Variants in C4orf17 observed in about 807,000 individuals in gnomAD.
C4orf17 encodes the protein uncharacterized protein C4orf17.
In C4orf17, 25 loss-of-function variants were observed where a neutral mutation model predicts 32.0. That is an observed-to-expected ratio of 0.78 (90% CI 0.57 to 1.09). The LOEUF (loss-of-function observed/expected upper bound fraction) is 1.09. C4orf17 is among the 50% of genes least tolerant of loss of function. C4orf17 has a pLI of 0.00. For missense variants in C4orf17, 420 were observed against 420.0 expected (o/e 1.00, Z 0.00); for synonymous variants, 149 against 145.8 (o/e 1.02, Z -0.16).
chr4:99,512,062 TA>T (rs1723101764), intron 1 of C4orf17, among the ~76,000 whole-genome samples: 1 of 152,122 alleles, frequency 6.6e-6, no homozygotes, highest in South Asian at 2.1e-4. Flanking sequence ...GTCAACGATC[TA>T]AAAGCATCCA....
chr4:99,538,605 T>C (rs7686425), intron 6 of C4orf17, among the ~76,000 whole-genome samples: 39,794 of 152,126 alleles, frequency 0.26, 5,369 homozygotes, highest in South Asian at 0.35. Context: ...CAATTATTTT[T>C]CCTTTTAAAG....
intron 5 of C4orf17, among the ~76,000 whole-genome samples, chr4:99,534,774 G>C (rs1723534739): frequency 6.6e-6 from 1 of 152,180 alleles, no homozygotes; most frequent in South Asian, 2.1e-4. Flanking sequence ...GTGTGAATTT[G>C]ATCCTGTCAC....
chr4:99,511,400 A>G (rs918132521), intron 1 of C4orf17, 128 bp downstream of exon 1: 1 of 151,828 alleles, frequency 6.6e-6, no homozygotes, highest in Non-Finnish European at 1.5e-5. Context: ...AAGAAAATGA[A>G]ATACACATTG....
At chr4:99,515,187 A>C (rs1000709578) in intron 2 of C4orf17, among the ~76,000 whole-genome samples, 7 of 152,126 alleles carry the variant, frequency 4.6e-5, no homozygotes, top group African/African-American at 1.7e-4. Flanking sequence ...AAATTTCAGA[A>C]ATCACCACTA....
chr4:99,540,316 T>C (rs968203789), intron 7 of C4orf17, 96 bp from the exon 8 acceptor site: 1 of 772,046 alleles, frequency 1.3e-6, no homozygotes, highest in Non-Finnish European at 2.2e-6. Flanking sequence ...ATATTTAAGA[T>C]ACATATACAC....
At chr4:99,521,374 CA>C (rs33958049) in intron 2 of C4orf17, among the ~76,000 whole-genome samples, 30 of 136,860 alleles carry the variant, frequency 2.2e-4, no homozygotes, top group Non-Finnish European at 4.0e-4. Flanking sequence ...GACTATGTCT[CA>C]AAAAAAAAAA....
chr4:99,537,649 ACT>A lies in C4orf17; in HGVS notation c.547-17_547-16del. ...TGTACTATTTATTTGCTCATATGTA[ACT>A]CTAATGTTCTCTGTCAGATCCTGGC... On this transcript the variant is annotated intron_variant, in intron 5 of 8. Transcript: ENST00000326581. 6.3e-7 allele frequency: 1 copy of A among 1,579,642 alleles called. No individual in the cohort carries two copies. Among genetic ancestry groups the A allele is most frequent in the Non-Finnish European group, 8.7e-7 (1 of 1,151,466 alleles).
intron 2 of C4orf17, among the ~76,000 whole-genome samples, chr4:99,514,582 A>G (rs1578185737): frequency 6.6e-6 from 1 of 152,186 alleles, no homozygotes; most frequent in Admixed American, 6.5e-5. Flanking sequence ...AAGAACGGCC[A>G]TAATTAAGTT....
At chr4:99,531,172 T>G (rs913859329) in intron 5 of C4orf17, among the ~76,000 whole-genome samples, 5 of 152,036 alleles carry the variant, frequency 3.3e-5, no homozygotes, top group Non-Finnish European at 7.4e-5. Context: ...CTTATTTATT[T>G]AGTTCAATAT....
intron 2 of C4orf17, among the ~76,000 whole-genome samples, chr4:99,513,567 T>G (rs560277729): frequency 6.6e-6 from 1 of 152,184 alleles, no homozygotes; most frequent in South Asian, 2.1e-4. Flanking sequence ...CACATCTGCA[T>G]GCTAAATATC....
chr4:99,518,485 TAAAAAAAAAAAAAAAAA>T (rs574883283), intron 2 of C4orf17, among the ~76,000 whole-genome samples: 2 of 8,002 alleles, frequency 2.5e-4, no homozygotes, highest in South Asian at 8.3e-3. Context: ...CCTGTCTCTT[TAAAAAAAAAAAAAAAAA>T]AAAAAAAAAA....
intron 2 of C4orf17, among the ~76,000 whole-genome samples, chr4:99,514,393 C>G (rs1301095975): frequency 1.3e-5 from 2 of 151,262 alleles, no homozygotes; most frequent in African/African-American, 4.9e-5. Context: ...ATAAGGAACT[C>G]AAACAAATCA....
In C4orf17 at chr4:99,524,559, A is replaced by G. The variant is rs2110169191; in HGVS notation, c.376A>G (p.Ser126Gly). Residue 126 changes from serine to glycine, a missense_variant, in exon 4 of 9, where the codon AGT becomes GGT. Coordinates refer to ENST00000326581, the MANE Select transcript of C4orf17 (RefSeq NM_032149.3). Reference protein sequence around the residue: ...RKIKECFKTSSENPLVIKKEE... With the variant: ...RKIKECFKTSGENPLVIKKEE... Reference sequence around the variant, plus strand: ...AATTAAAGAGTGCTTCAAAACTTCCAGTGAGAATCCCTTAGTAATTAAAAA... The same window carrying G: ...AATTAAAGAGTGCTTCAAAACTTCCGGTGAGAATCCCTTAGTAATTAAAAA... The G allele has an allele frequency of 1.9e-6, 3 of 1,604,588 alleles. No individual in the cohort carries two copies. The highest frequency in any genetic ancestry group is 2.7e-5 in the African/African-American group (2 of 74,746).
In C4orf17 at chr4:99,512,984, T is replaced by G; in HGVS notation, c.-93-5T>G. 1 of 1,237,400 alleles carries G rather than the reference T, an allele frequency of 8.1e-7. No homozygotes were observed. The highest frequency in any genetic ancestry group is 1.4e-5 in the South Asian group (1 of 71,608). The allele number at this position is 1,237,400 out of a possible 1,614,324, so 76.7% of individuals were successfully genotyped here. On this transcript the variant is annotated splice_region_variant and splice_polypyrimidine_tract_variant and intron_variant, in intron 1 of 8. Transcript: ENST00000326581. ...GTCAGAATGTTTGTCATTTTGTGAT[T>G]TCAGGGTCTGAGCACATCTGGAAGT... is the stretch of plus-strand genomic sequence containing the variant.
rs1017608858 is a variant in C4orf17 at position 99,542,225 on chromosome 4, G to A, written c.*116G>A. On this transcript the variant is annotated 3_prime_UTR_variant, in exon 9 of 9. Coordinates refer to ENST00000326581, the MANE Select transcript of C4orf17 (RefSeq NM_032149.3). ...GAATCAAGTGGTCCTCTTTATGGTGGCACATGTAAATCTAAAAATACCTGT... is the reference window on the plus strand; with the variant it reads ...GAATCAAGTGGTCCTCTTTATGGTGACACATGTAAATCTAAAAATACCTGT... 2.9e-5 allele frequency: 24 copies of A among 818,510 alleles called. No individual in the cohort carries two copies. Among genetic ancestry groups the A allele is most frequent in the Non-Finnish European group, 4.0e-5 (20 of 496,812 alleles). The allele number at this position is 818,510 out of a possible 1,614,324, so 50.7% of individuals were successfully genotyped here. A position where few individuals can be genotyped will look rare whatever the true frequency, so the allele number is the denominator to read the frequency against.
Position 99,522,633 on chromosome 4 carries a change from T to C in C4orf17, c.261T>C (p.Thr87=), listed in dbSNP as rs1723311378. The C allele has an allele frequency of 6.2e-7, 1 of 1,613,960 alleles. No individual in the cohort carries two copies. Among genetic ancestry groups the C allele is most frequent in the Non-Finnish European group, 8.5e-7 (1 of 1,179,984 alleles). Residue 87 remains threonine, a synonymous_variant, in exon 3 of 9, where the codon ACT becomes ACC. Transcript: ENST00000326581. ...CCAATTGCAGTTACCCCTCCAGCAC[T>C]GCAGTCCAGGAGAGCCCTGTAAGAG... ...PFANCSYPSS[T]AVQESPVRGM...
At chr4:99,527,418 G>A (rs1441766260) in intron 4 of C4orf17, among the ~76,000 whole-genome samples, 2 of 152,164 alleles carry the variant, frequency 1.3e-5, no homozygotes, top group Non-Finnish European at 2.9e-5. Context: ...GTCAAGTTAG[G>A]TGATACTGTT....
intron 6 of C4orf17, 112 bp downstream of exon 6, chr4:99,537,862 T>C: frequency 1.3e-6 from 1 of 790,206 alleles, no homozygotes; most frequent in Non-Finnish European, 2.2e-6. Flanking sequence ...AATGTTGCAA[T>C]ATTATTTCCG....
intron 1 of C4orf17, among the ~76,000 whole-genome samples, chr4:99,512,123 A>G (rs993824091): frequency 6.6e-6 from 1 of 152,180 alleles, no homozygotes; most frequent in Non-Finnish European, 1.5e-5. Flanking sequence ...ATTTTTTGAC[A>G]CTGCAAATTA....
Sources: allele counts gnomAD v4.1 joint callset (sites outside exome capture counted in the v4.1 genomes callset), GRCh38; gene constraint gnomAD v4.1.1; transcripts MANE v1.5; gene names NCBI Gene and HGNC (gene_info 2026-07-23, HGNC 2026-07-21).